Variants in NFIB observed in about 807,000 individuals in gnomAD.
The protein encoded by NFIB is nuclear factor 1 B-type.
NFIB carries 11 observed loss-of-function variants against 61.5 expected under a neutral mutation model. That is an observed-to-expected ratio of 0.18 (90% CI 0.11 to 0.30). The LOEUF (loss-of-function observed/expected upper bound fraction) is 0.30. Ranked by LOEUF, NFIB falls within the 10% of genes least tolerant of loss-of-function variation. NFIB has a pLI of 1.00. For missense variants in NFIB, 471 were observed against 608.9 expected, an observed-to-expected ratio of 0.77 and a Z score of 2.38; for synonymous variants, 260 against 216.5, an observed-to-expected ratio of 1.20 and a Z score of -1.76.
the NFIB span, among the ~76,000 whole-genome samples, chr9:14,447,045 C>T: frequency 6.6e-6 from 1 of 152,150 alleles, no homozygotes; most frequent in African/African-American, 2.4e-5. Flanking sequence ...TAAACCAACA[C>T]AGAAATTCCT....
intron 1 of NFIB, among the ~76,000 whole-genome samples, chr9:14,342,911 G>C (rs1032992712): frequency 6.6e-6 from 1 of 152,112 alleles, no homozygotes; most frequent in African/African-American, 2.4e-5. Flanking sequence ...GACTAAATGA[G>C]TTTTCTCCCT....
At chr9:14,157,093 C>A (rs187992447) in intron 3 of NFIB, among the ~76,000 whole-genome samples, 39 of 152,082 alleles carry the variant, frequency 2.6e-4, no homozygotes, top group African/African-American at 8.2e-4. Context: ...AAATTGGAGA[C>A]AATAAAAATC....
chr9:14,160,897 A>G (rs1361373012), intron 3 of NFIB, among the ~76,000 whole-genome samples: 3 of 151,348 alleles, frequency 2.0e-5, no homozygotes, highest in Non-Finnish European at 4.4e-5. Context: ...CAACCCACAG[A>G]TTCTCCCTTC....
At chr9:14,138,686 C>T (rs923210705) in intron 6 of NFIB, among the ~76,000 whole-genome samples, 1 of 152,082 alleles carries the variant, frequency 6.6e-6, no homozygotes, top group African/African-American at 2.4e-5. Flanking sequence ...GTGTTAATAA[C>T]AGTTGAAGCT....
intron 2 of NFIB, among the ~76,000 whole-genome samples, chr9:14,284,703 A>G (rs2058598238): frequency 1.3e-5 from 2 of 152,360 alleles, no homozygotes; most frequent in African/African-American, 4.8e-5. Context: ...TTTTATTTGA[A>G]AAATATCCCA....
intron 2 of NFIB, among the ~76,000 whole-genome samples, chr9:14,270,572 T>C (rs1281590242): frequency 6.7e-5 from 3 of 44,484 alleles, no homozygotes; most frequent in Non-Finnish European, 1.2e-4. Flanking sequence ...TAAAAAGCCT[T>C]AGATCACAAA....
chr9:14,430,535 G>T, the NFIB span, among the ~76,000 whole-genome samples: 2 of 152,082 alleles, frequency 1.3e-5, no homozygotes, highest in Non-Finnish European at 2.9e-5. Flanking sequence ...ACTTGTCAAG[G>T]AATCTAGTTT....
chr9:14,375,527 G>A (rs1298792170), intron 1 of NFIB, among the ~76,000 whole-genome samples: 1 of 152,036 alleles, frequency 6.6e-6, no homozygotes, highest in Non-Finnish European at 1.5e-5. Context: ...GCGTGGAGGT[G>A]GGCACCTGCA....
At chr9:14,441,596 CT>C in the NFIB span, among the ~76,000 whole-genome samples, 86,065 of 149,390 alleles carry the variant, frequency 0.58, 24,791 homozygotes, top group Admixed American at 0.63. Context: ...TCTTCTTCCT[CT>C]TTTTTTTTTT....
intron 2 of NFIB, among the ~76,000 whole-genome samples, chr9:14,218,873 A>G (rs1381865566): frequency 6.6e-6 from 1 of 152,182 alleles, no homozygotes; most frequent in Non-Finnish European, 1.5e-5. Flanking sequence ...ATCAAAAGAC[A>G]TTTATTAAGT....
chr9:14,256,295 T>C (rs1002574334), intron 2 of NFIB, among the ~76,000 whole-genome samples: 1 of 152,176 alleles, frequency 6.6e-6, no homozygotes, highest in African/African-American at 2.4e-5. Flanking sequence ...TACCAAAACA[T>C]GGTTACAGGG....
At chr9:14,147,830 T>TG (rs887784436) in intron 5 of NFIB, among the ~76,000 whole-genome samples, 6 of 151,748 alleles carry the variant, frequency 4.0e-5, no homozygotes, top group Admixed American at 3.9e-4. Flanking sequence ...TTTGTAGAGA[T>TG]GGGGTTTTGC....
At chr9:14,510,317 C>G in the NFIB span, among the ~76,000 whole-genome samples, 1 of 152,152 alleles carries the variant, frequency 6.6e-6, no homozygotes, top group Non-Finnish European at 1.5e-5. Context: ...TGAACATGGG[C>G]TGGGACAAAA....
At chr9:14,222,655 C>T (rs748513134) in intron 2 of NFIB, among the ~76,000 whole-genome samples, 2 of 151,762 alleles carry the variant, frequency 1.3e-5, no homozygotes, top group Non-Finnish European at 1.5e-5. Context: ...ATTAGCCAGG[C>T]ATGGTGGCAC....
At chr9:14,342,653 G>C (rs1015893561) in intron 1 of NFIB, among the ~76,000 whole-genome samples, 4 of 152,084 alleles carry the variant, frequency 2.6e-5, no homozygotes, top group African/African-American at 9.7e-5. Context: ...GGTGTAGCGG[G>C]CTACACATAG....
intron 1 of NFIB, among the ~76,000 whole-genome samples, chr9:14,343,973 G>A (rs1386861237): frequency 6.6e-6 from 1 of 152,088 alleles, no homozygotes; most frequent in East Asian, 1.9e-4. Context: ...ATAGGCCACC[G>A]TGACAACTGG....
chr9:14,404,716 T>A, the NFIB span, among the ~76,000 whole-genome samples: 17 of 152,174 alleles, frequency 1.1e-4, no homozygotes, highest in Admixed American at 1.3e-4. Flanking sequence ...GGCTTTGACT[T>A]GGGAGCTAGT....
rs753706270 is a variant in NFIB, at chr9:14,088,337, G to A, written c.1468-11C>T. The stretch of plus-strand genomic sequence containing the variant: ...GCCCAGGTACCAGGACTGTTGAGAG[G>A]AGAGAGGCAGCAGGGAGGGAAGAAA... On this transcript the variant is annotated splice_polypyrimidine_tract_variant and intron_variant, in intron 10 of 10. Coordinates refer to ENST00000380953, the MANE Select transcript of NFIB (RefSeq NM_001190737.2). 2.0e-6 allele frequency: 3 copies of A among 1,523,040 alleles called. No individual in the cohort carries two copies. Among genetic ancestry groups the A allele is most frequent in the East Asian group, 2.3e-5 (1 of 43,118 alleles). The allele number at this position is 1,523,040 out of a possible 1,614,324, so 94.3% of individuals were successfully genotyped here.
intron 2 of NFIB, among the ~76,000 whole-genome samples, chr9:14,183,917 A>G (rs147734627): frequency 1.2e-4 from 18 of 152,272 alleles, no homozygotes; most frequent in African/African-American, 4.3e-4. Flanking sequence ...AAAAAAAGTA[A>G]TGAAGTTATT....
Sources: gnomAD v4.1 joint callset for allele counts (sites outside exome capture counted in the v4.1 genomes callset) on GRCh38, gnomAD v4.1.1 for gene constraint, MANE v1.5 for transcripts, NCBI Gene and HGNC (gene_info 2026-07-23, HGNC 2026-07-21) for gene names.